HIPK3: variants seen among roughly 807,000 people sequenced by gnomAD.
HIPK3 encodes the protein homeodomain interacting protein kinase 3.
Under a neutral mutation model 124.2 loss-of-function variants are expected in HIPK3, and 47 were observed. That is an observed-to-expected ratio of 0.38 (90% CI 0.30 to 0.48). The LOEUF (loss-of-function observed/expected upper bound fraction) is 0.48, where lower values mean the gene tolerates loss of function less well. Ranked by LOEUF, HIPK3 falls within the 20% of genes least tolerant of loss-of-function variation. The pLI is 0.98. For synonymous variants in HIPK3, 482 were observed against 515.2 expected, an observed-to-expected ratio of 0.94 and a Z score of 0.87; for missense variants, 1,286 against 1,454.3, an observed-to-expected ratio of 0.88 and a Z score of 1.88.
intron 2 of HIPK3, among the ~76,000 whole-genome samples, chr11:33,301,384 T>C (rs1214364839): frequency 1.3e-5 from 2 of 152,190 alleles, no homozygotes; most frequent in South Asian, 2.1e-4. Flanking sequence ...GTTATTATTT[T>C]TGAAATACAG....
chr11:33,269,526 G>T (rs1851064770), intron 1 of HIPK3, among the ~76,000 whole-genome samples: 1 of 151,442 alleles, frequency 6.6e-6, no homozygotes, highest in South Asian at 2.1e-4. Flanking sequence ...GTACAACATT[G>T]ACTCTTTTTC....
intron 1 of HIPK3, among the ~76,000 whole-genome samples, chr11:33,268,115 G>A (rs1851021836): frequency 6.6e-6 from 1 of 152,110 alleles, no homozygotes; most frequent in African/African-American, 2.4e-5. Context: ...GGAGCCTGAG[G>A]CAGGAGAATT....
At chr11:33,299,975 C>T (rs2474948) in intron 2 of HIPK3, among the ~76,000 whole-genome samples, 100,561 of 145,782 alleles carry the variant, frequency 0.69, 34,430 homozygotes, top group Middle Eastern at 0.74. Flanking sequence ...TGAGCAGAGA[C>T]TGTGCCACTG....
intron 1 of HIPK3, among the ~76,000 whole-genome samples, chr11:33,281,907 C>G (rs1851422248): frequency 6.6e-6 from 1 of 151,954 alleles, no homozygotes; most frequent in Non-Finnish European, 1.5e-5. Context: ...AGTGAATATT[C>G]TTTTATATTG....
upstream of HIPK3, among the ~76,000 whole-genome samples, chr11:33,257,086 T>G (rs376154080): frequency 1.3e-5 from 2 of 152,102 alleles, no homozygotes; most frequent in South Asian, 2.1e-4. Flanking sequence ...GGAGGGGGCA[T>G]GGAGTGAGGT....
intron 1 of HIPK3, among the ~76,000 whole-genome samples, chr11:33,268,167 T>C (rs919939523): frequency 1.2e-4 from 19 of 152,280 alleles, no homozygotes; most frequent in African/African-American, 4.6e-4. Context: ...GCCAAGATGG[T>C]GCCACTGCAC....
chr11:33,281,017 T>A (rs558772834), intron 1 of HIPK3, among the ~76,000 whole-genome samples: 1 of 151,762 alleles, frequency 6.6e-6, no homozygotes, highest in Admixed American at 6.6e-5. Context: ...CACATCAAAA[T>A]CTTTCTGATT....
chr11:33,335,897 C>A (rs963228448), intron 3 of HIPK3: 2 of 152,110 alleles, frequency 1.3e-5, no homozygotes, highest in Admixed American at 6.5e-5. Flanking sequence ...GTTTATCCCC[C>A]GTGTTTCCCA....
chr11:33,348,409 T>C (rs1389517218), intron 12 of HIPK3, 113 bp from the exon 13 acceptor site: 1 of 1,043,482 alleles, frequency 9.6e-7, no homozygotes, highest in African/African-American at 1.6e-5. Context: ...GTGTGTTATA[T>C]TCATGAACTC....
intron 2 of HIPK3, among the ~76,000 whole-genome samples, chr11:33,295,298 C>A (rs932852802): frequency 6.7e-6 from 1 of 149,366 alleles, no homozygotes; most frequent in Non-Finnish European, 1.5e-5. Context: ...ACAACTCCAC[C>A]CCATCCCCGC....
rs543354731 is a variant in HIPK3, at chr11:33,270,470, G to A, written c.-3+12581G>A. ...ATTACAGGCGCCTGCCACCACGCCC[G>A]GCTAAGAAAATTGAGAATGTATGAA... On this transcript the variant is annotated intron_variant, in intron 1 of 16. Transcript: ENST00000303296. 7.9e-5 allele frequency among the ~76,000 whole-genome samples: 12 copies of A among 152,000 alleles called. No homozygotes were observed. The South Asian group carries it at 8.3e-4, about 11-fold the overall frequency.
chr11:33,346,648 G>T lies in HIPK3; in HGVS notation c.1898-645G>T, dbSNP rs562498852. Among the ~76,000 whole-genome samples, 3 of 152,278 alleles carry T rather than the reference G, an allele frequency of 2.0e-5. No homozygotes were observed. In the East Asian group the frequency reaches 5.8e-4, roughly 29 times the overall value. On this transcript the variant is annotated intron_variant, in intron 8 of 16. Coordinates refer to ENST00000303296, the MANE Select transcript of HIPK3 (RefSeq NM_005734.5). ...TACTAAGCCAGATTCTTCTTTCCATGTTCTTTATCATGGTGACTGAACTAT... is the reference window on the plus strand; with the variant it reads ...TACTAAGCCAGATTCTTCTTTCCATTTTCTTTATCATGGTGACTGAACTAT...
At chr11:33,279,122 T>G (rs929648657) in intron 1 of HIPK3, among the ~76,000 whole-genome samples, 11 of 152,100 alleles carry the variant, frequency 7.2e-5, no homozygotes, top group Non-Finnish European at 1.2e-4. Context: ...GAGACCAACC[T>G]GGCCAACATG....
intron 2 of HIPK3, among the ~76,000 whole-genome samples, chr11:33,315,958 T>G (rs1852488847): frequency 6.6e-6 from 1 of 152,234 alleles, no homozygotes; most frequent in African/African-American, 2.4e-5. Context: ...TGTGATATTT[T>G]TAGTCTAAGA....
Position 33,354,833 on chromosome 11 carries a change from C to T in HIPK3, c.*1265C>T, listed in dbSNP as rs900585620. On this transcript the variant is annotated 3_prime_UTR_variant, in exon 17 of 17. Transcript: ENST00000303296. ...TCTTTCTAGGAAGTGTGTTGAGTTC[C>T]CCCCTTCCCCGACATTTTTTTCTTT... 8 of 151,674 alleles carry T rather than the reference C, an allele frequency of 5.3e-5. No homozygotes were observed. The highest frequency in any genetic ancestry group is 1.9e-4 in the African/African-American group (8 of 41,314). 9.4% of individuals were successfully genotyped at this position (151,674 alleles called of 1,614,324 possible).
chr11:33,303,003 T>C (rs936240415), intron 2 of HIPK3, among the ~76,000 whole-genome samples: 1 of 152,178 alleles, frequency 6.6e-6, no homozygotes, highest in African/African-American at 2.4e-5. Context: ...AGCTGTAAAA[T>C]ATGTAGTAAA....
At chr11:33,311,258 T>G (rs969438528) in intron 2 of HIPK3, among the ~76,000 whole-genome samples, 3 of 152,148 alleles carry the variant, frequency 2.0e-5, no homozygotes, top group Non-Finnish European at 4.4e-5. Context: ...AGATCACAGC[T>G]CACCACAGCA....
chr11:33,337,908 G>C (rs1442929579), intron 4 of HIPK3, among the ~76,000 whole-genome samples: 1 of 152,142 alleles, frequency 6.6e-6, no homozygotes, highest in African/African-American at 2.4e-5. Context: ...TCCTGACCTT[G>C]TGATCCGCCT....
Position 33,353,160 on chromosome 11 carries a change from T to C in HIPK3, c.3240T>C (p.Tyr1080=). 1 of 1,614,070 alleles carries C rather than the reference T, an allele frequency of 6.2e-7. No homozygotes were observed. The highest frequency in any genetic ancestry group is 2.2e-5 in the East Asian group (1 of 44,886). ...TTGGGCACAGAAGACAGCAAGCTTATATTCCTACTAGTGTTACCAGTAATC... is the reference window on the plus strand; with the variant it reads ...TTGGGCACAGAAGACAGCAAGCTTACATTCCTACTAGTGTTACCAGTAATC... ...GNFGHRRQQA[Y]IPTSVTSNPF... The change falls in exon 17 of 17, where the codon TAT becomes TAC. Residue 1080 remains tyrosine, a synonymous_variant. Coordinates refer to ENST00000303296, the MANE Select transcript of HIPK3 (RefSeq NM_005734.5).
Sources: gnomAD v4.1 joint callset for allele counts (sites outside exome capture counted in the v4.1 genomes callset) on GRCh38, gnomAD v4.1.1 for gene constraint, MANE v1.5 for transcripts, NCBI Gene and HGNC (gene_info 2026-07-23, HGNC 2026-07-21) for gene names.